The following LYRM4 variants were observed in gnomAD, a reference collection of about 807,000 sequenced individuals.
LYRM4 encodes LYR motif-containing protein 4.
Under a neutral mutation model 11.7 loss-of-function variants are expected in LYRM4, and 9 were observed. The observed-to-expected ratio is 0.77, with a 90% CI of 0.46 to 1.34. The LOEUF (loss-of-function observed/expected upper bound fraction) is 1.34, where lower values mean the gene tolerates loss of function less well. LYRM4 is among the 40% of genes most tolerant of loss of function. The pLI, the probability that LYRM4 is intolerant of heterozygous loss-of-function variation, is 0.00. For synonymous variants in LYRM4, 42 were observed against 40.4 expected, an observed-to-expected ratio of 1.04 and a Z score of -0.15; for missense variants, 133 against 112.5, an observed-to-expected ratio of 1.18 and a Z score of -0.82.
chr6:5,216,632 C>T lies in LYRM4; in HGVS notation c.193G>A (p.Val65Ile). The change falls in exon 2 of 3, where the codon GTA (valine) becomes ATA (isoleucine). Residue 65 changes from valine (V) to isoleucine (I), a missense_variant. Transcript: ENST00000330636. ...AACCATCTTACCTGTCGACGAATTA[C>T]TCCAAGGTCTCTCTTGGCTTTATTC... ...LVNKAKRDLG[V>I]IRRQVHIGQL... The T allele has an allele frequency of 1.2e-6, 2 of 1,614,044 alleles. No individual in the cohort carries two copies. The highest frequency in any genetic ancestry group is 1.1e-5 in the South Asian group (1 of 91,072).
In LYRM4 at chr6:5,237,224, T is replaced by A. The variant is rs570919245; in HGVS notation, c.87-20486A>T. On this transcript the variant is annotated intron_variant, in intron 1 of 2. Coordinates refer to ENST00000330636, the MANE Select transcript of LYRM4 (RefSeq NM_020408.6). The stretch of plus-strand genomic sequence containing the variant: ...CATCTGTATTTATAGCCACTCCCCA[T>A]CGCTCACAATACCACCTGAGCTCCA... Among the ~76,000 whole-genome samples, 7 of 152,258 alleles carry A rather than the reference T, an allele frequency of 4.6e-5. No homozygotes were observed. In the East Asian group the frequency reaches 1.2e-3, roughly 25 times the overall value.
At chr6:5,237,516 G>A (rs1022726105) in intron 1 of LYRM4, among the ~76,000 whole-genome samples, 1 of 152,032 alleles carries the variant, frequency 6.6e-6, no homozygotes. Context: ...CACAATAAAT[G>A]TAATGTGCTT....
the LYRM4 span, among the ~76,000 whole-genome samples, chr6:5,053,456 G>A: frequency 6.6e-6 from 1 of 152,150 alleles, no homozygotes; most frequent in South Asian, 2.1e-4. Context: ...GGGAGCAGAA[G>A]AGGGAGAGAT....
the LYRM4 span, among the ~76,000 whole-genome samples, chr6:5,055,455 C>T: frequency 1.6e-4 from 24 of 152,282 alleles, no homozygotes; most frequent in East Asian, 3.9e-3. The surrounding 1 kb of genome is among the most constrained non-coding windows in gnomAD (Gnocchi z 4.5). Flanking sequence ...AGAATGGACA[C>T]GGTTTCACCC....
At chr6:5,251,517 G>A (rs2127771332) in intron 1 of LYRM4, among the ~76,000 whole-genome samples, 2 of 152,290 alleles carry the variant, frequency 1.3e-5, no homozygotes, top group African/African-American at 4.8e-5. Flanking sequence ...ACAGGCCAGA[G>A]CAGGAGCAAG....
At chr6:5,055,593 C>T in the LYRM4 span, among the ~76,000 whole-genome samples, 96 of 152,318 alleles carry the variant, frequency 6.3e-4, no homozygotes, top group Non-Finnish European at 1.1e-3. This position sits in a 1 kb window ranked among gnomAD's most constrained non-coding sequence, Gnocchi z 4.5. Context: ...TACTCCCCAC[C>T]CTGGAATCCT....
chr6:5,191,892 T>TA (rs1441516668), intron 2 of LYRM4, among the ~76,000 whole-genome samples: 1 of 152,150 alleles, frequency 6.6e-6, no homozygotes, highest in African/African-American at 2.4e-5. Flanking sequence ...CCATATTACT[T>TA]ACGTAGTTTT....
rs369937192 is a variant in LYRM4, at chr6:5,211,278, C to T, written c.207+5340G>A. Among the ~76,000 whole-genome samples, 42 of 152,194 alleles carry T rather than the reference C, an allele frequency of 2.8e-4. No individual in the cohort carries two copies. In the South Asian group the frequency reaches 7.9e-3, roughly 29 times the overall value. ...TGCAGTGACTGACAATGAGAGAGGG[C>T]CTGGTCATGATTTACTAGCTTCTAA... On this transcript the variant is annotated intron_variant, in intron 2 of 2. Coordinates refer to ENST00000330636, the MANE Select transcript of LYRM4 (RefSeq NM_020408.6).
At chr6:5,221,476 C>T (rs1286070937) in intron 1 of LYRM4, among the ~76,000 whole-genome samples, 14 of 152,248 alleles carry the variant, frequency 9.2e-5, no homozygotes, top group Admixed American at 7.2e-4. Flanking sequence ...GGGCGGATCA[C>T]GAGGTCAGGA....
the LYRM4 span, chr6:5,085,717 C>CGCCGCT: frequency 6.7e-5 from 103 of 1,546,032 alleles, no homozygotes; most frequent in Admixed American, 2.0e-3. Context: ...GGAATGCCGC[C>CGCCGCT]GCCGCTGCCG....
chr6:5,112,065 A>G (rs1276418377), intron 2 of LYRM4, among the ~76,000 whole-genome samples: 1 of 152,188 alleles, frequency 6.6e-6, no homozygotes, highest in Non-Finnish European at 1.5e-5. Flanking sequence ...AATGTGTTGC[A>G]GTAGCAGGAG....
At chr6:5,120,383 C>T (rs951749468) in intron 2 of LYRM4, among the ~76,000 whole-genome samples, 6 of 152,122 alleles carry the variant, frequency 3.9e-5, no homozygotes, top group South Asian at 2.1e-4. Context: ...GTAGTGTGCC[C>T]GGAGTTTGTT....
chr6:5,082,655 G>A, the LYRM4 span, among the ~76,000 whole-genome samples: 1 of 152,174 alleles, frequency 6.6e-6, no homozygotes, highest in Non-Finnish European at 1.5e-5. Flanking sequence ...CATTGTTTCT[G>A]TCCCCAGTAA....
At chr6:5,034,769 T>TTTTTTTTTTTTTTTTTTTTTTTTTTTTG in the LYRM4 span, 1 of 12,992 alleles carries the variant, frequency 7.7e-5, no homozygotes, top group African/African-American at 1.5e-4. Context: ...TTTTTTTTTT[T>TTTTTTTTTTTTTTTTTTTTTTTTTTTTG]TCAAAAAGCG....
chr6:5,089,443 T>C, the LYRM4 span: 1 of 152,190 alleles, frequency 6.6e-6, no homozygotes, highest in Non-Finnish European at 1.5e-5. Flanking sequence ...TTGTTTTGAA[T>C]TACTTAAAAT....
chr6:5,099,413 C>CTATCTATCTATT (rs1762435679), downstream of LYRM4, among the ~76,000 whole-genome samples: 2 of 151,474 alleles, frequency 1.3e-5, no homozygotes, highest in South Asian at 4.2e-4. This position sits in a 1 kb window ranked among gnomAD's most constrained non-coding sequence, Gnocchi z 4.3. Context: ...ATCTATCTAT[C>CTATCTATCTATT]TATCTATCTA....
the LYRM4 span, among the ~76,000 whole-genome samples, chr6:5,052,429 T>C: frequency 1.3e-5 from 2 of 152,234 alleles, no homozygotes; most frequent in East Asian, 3.8e-4. Context: ...GTTAAGCTGG[T>C]ATAAATTCAA....
chr6:5,156,944 C>T (rs1758448779), intron 2 of LYRM4, among the ~76,000 whole-genome samples: 1 of 152,148 alleles, frequency 6.6e-6, no homozygotes, highest in East Asian at 1.9e-4. Flanking sequence ...TAGCCCAATT[C>T]CACCTTTTTA....
intron 1 of LYRM4, among the ~76,000 whole-genome samples, chr6:5,257,569 C>T (rs946687669): frequency 7.9e-5 from 12 of 152,140 alleles, no homozygotes; most frequent in South Asian, 2.1e-4. Context: ...TGTTAGGAAC[C>T]GGGCCACACA....
Sources: gnomAD v4.1 joint callset for allele counts (sites outside exome capture counted in the v4.1 genomes callset) on GRCh38, gnomAD v4.1.1 for gene constraint, Gnocchi (gnomAD v3.1) non-coding constraint, MANE v1.5 for transcripts, NCBI Gene and HGNC (gene_info 2026-07-23, HGNC 2026-07-21) for gene names.